CAB39L: variants seen among roughly 807,000 people sequenced by gnomAD.
The protein encoded by CAB39L is calcium-binding protein 39-like.
Under a neutral mutation model 39.1 loss-of-function variants are expected in CAB39L, and 23 were observed. The observed-to-expected ratio is 0.59, with a 90% CI of 0.42 to 0.83. CAB39L has a LOEUF of 0.83. CAB39L is among the 40% of genes least tolerant of loss of function. The probability of loss-of-function intolerance (pLI) is 0.00; values close to 1 mark genes in which losing one functional copy is unlikely to be tolerated. For missense variants in CAB39L, 366 were observed against 391.9 expected (o/e 0.93, Z 0.56); for synonymous variants, 126 against 137.2 (o/e 0.92, Z 0.57).
chr13:49,384,588 G>GAAATT (rs553093132), intron 3 of CAB39L, among the ~76,000 whole-genome samples: 3 of 152,064 alleles, frequency 2.0e-5, no homozygotes, highest in Non-Finnish European at 4.4e-5. Flanking sequence ...CTTATGAAAT[G>GAAATT]TATTTCTTTT....
At chr13:49,363,507 A>C (rs1304631822) in intron 5 of CAB39L, among the ~76,000 whole-genome samples, 2 of 152,202 alleles carry the variant, frequency 1.3e-5, no homozygotes, top group African/African-American at 2.4e-5. Context: ...GATACACAAA[A>C]AAATAAAAAA....
intron 8 of CAB39L, among the ~76,000 whole-genome samples, chr13:49,343,550 T>G (rs1955061425): frequency 6.8e-6 from 1 of 146,810 alleles, no homozygotes; most frequent in South Asian, 2.1e-4. Context: ...TAATACAAGG[T>G]GAAAAATAAG....
rs79386103 is a variant in CAB39L, at chr13:49,366,737, C to A, written c.277-6905G>T. On this transcript the variant is annotated intron_variant, in intron 5 of 10. Transcript: ENST00000409308. ...ATAGTATGAAAAACAAACAATCTGC[C>A]AGGCATGGTGGCTCACACATGTAAT... Among the ~76,000 whole-genome samples the A allele has an allele frequency of 3.3e-3, 500 of 151,982 alleles. 5 individuals are homozygous for A. In the East Asian group the frequency reaches 0.039, roughly 12 times the overall value.
chr13:49,310,967 T>C lies in CAB39L; in HGVS notation c.861A>G (p.Thr287=), dbSNP rs2138313739. The part of the protein sequence containing the change: ...FKVFVASPHK[T]QPIVEILLKN... Reference sequence around the variant, plus strand: ...TTAACAGGATCTCCACAATAGGCTGTGTTTTGTGAGGACTGGCCACAAACA... The same window carrying C: ...TTAACAGGATCTCCACAATAGGCTGCGTTTTGTGAGGACTGGCCACAAACA... The change falls in exon 11 of 11, where the codon ACA becomes ACG. Residue 287 remains threonine (T), a synonymous_variant. Coordinates refer to ENST00000409308, the MANE Select transcript of CAB39L (RefSeq NM_001079670.3). The C allele has an allele frequency of 5.6e-6, 9 of 1,613,920 alleles. No homozygotes were observed. Among genetic ancestry groups the C allele is most frequent in the Non-Finnish European group, 7.6e-6 (9 of 1,179,948 alleles).
intron 8 of CAB39L, among the ~76,000 whole-genome samples, chr13:49,340,901 G>A (rs1049812008): frequency 6.6e-6 from 1 of 152,098 alleles, no homozygotes; most frequent in Non-Finnish European, 1.5e-5. Flanking sequence ...CAGCAGCTGT[G>A]AAATTACTAA....
chr13:49,418,352 T>A (rs1223473470), intron 3 of CAB39L, among the ~76,000 whole-genome samples: 1 of 152,138 alleles, frequency 6.6e-6, no homozygotes, highest in Non-Finnish European at 1.5e-5. Context: ...TAAAATAGGT[T>A]CATAGTTGTC....
At chr13:49,366,364 A>G (rs1338221548) in intron 5 of CAB39L, among the ~76,000 whole-genome samples, 1 of 152,162 alleles carries the variant, frequency 6.6e-6, no homozygotes, top group African/African-American at 2.4e-5. Flanking sequence ...CAAAAATTAA[A>G]AAGAAAAAAA....
At chr13:49,317,003 C>T (rs1276134187) in intron 10 of CAB39L, among the ~76,000 whole-genome samples, 2 of 152,164 alleles carry the variant, frequency 1.3e-5, no homozygotes, top group Non-Finnish European at 2.9e-5. Context: ...AAGATTCTCC[C>T]TGAGAGTCTC....
At chr13:49,358,785 A>C (rs1457657078) in intron 6 of CAB39L, among the ~76,000 whole-genome samples, 1 of 152,112 alleles carries the variant, frequency 6.6e-6, no homozygotes, top group African/African-American at 2.4e-5. Flanking sequence ...GCTTGAACCC[A>C]GGAGGCAGAG....
rs1167199490 is a variant in CAB39L at position 49,369,870 on chromosome 13, G to C, written c.276+7097C>G. On this transcript the variant is annotated intron_variant, in intron 5 of 10. Coordinates refer to ENST00000409308, the MANE Select transcript of CAB39L (RefSeq NM_001079670.3). ...CAAAGTGCTGGGATTACAGGCGTGA[G>C]CCACCGTGCCCAGCCGGCATAGGAG... Among the ~76,000 whole-genome samples, 9 of 152,028 alleles carry C rather than the reference G, an allele frequency of 5.9e-5. No individual in the cohort carries two copies. The East Asian group carries it at 1.7e-3, about 29-fold the overall frequency.
chr13:49,442,787 C>CAAAAAAAAAAAA (rs71078844), intron 1 of CAB39L, among the ~76,000 whole-genome samples: 27 of 103,680 alleles, frequency 2.6e-4, no homozygotes, highest in African/African-American at 6.2e-4. Context: ...GACTCCATCT[C>CAAAAAAAAAAAA]AAAAAAAAAA....
intron 3 of CAB39L, among the ~76,000 whole-genome samples, chr13:49,423,170 G>A (rs1305426426): frequency 3.3e-5 from 5 of 152,124 alleles, no homozygotes; most frequent in East Asian, 1.9e-4. Context: ...TCACCTGGAC[G>A]GCAGGTGAAA....
chr13:49,314,735 T>C (rs1339824844), intron 10 of CAB39L, among the ~76,000 whole-genome samples: 1 of 152,220 alleles, frequency 6.6e-6, no homozygotes, highest in Admixed American at 6.5e-5. Context: ...TCTTATTAGC[T>C]TTATGATTTC....
At chr13:49,366,093 C>A (rs977920728) in intron 5 of CAB39L, among the ~76,000 whole-genome samples, 1 of 151,990 alleles carries the variant, frequency 6.6e-6, no homozygotes, top group Admixed American at 6.6e-5. Context: ...TTTGTGGGAT[C>A]TAAAAATTAA....
chr13:49,397,020 A>G (rs1036083173), intron 3 of CAB39L, among the ~76,000 whole-genome samples: 4 of 152,226 alleles, frequency 2.6e-5, no homozygotes, highest in African/African-American at 9.6e-5. Flanking sequence ...AACATAATTT[A>G]GAATTGCCTT....
intron 4 of CAB39L, among the ~76,000 whole-genome samples, chr13:49,382,248 T>G (rs949239218): frequency 2.0e-5 from 3 of 152,178 alleles, no homozygotes; most frequent in Non-Finnish European, 2.9e-5. Flanking sequence ...AATAAGCTAT[T>G]TCTACACCCC....
rs751577971 is a variant in CAB39L at position 49,376,997 on chromosome 13, C to CA, written c.245dup (p.Ile83AspfsTer3). ...AGTCTATCAGCTGCAGGTCAGCTAT[C>CA]AGTGTCACTAGCAGGCCACTGCTGT... is the stretch of plus-strand genomic sequence containing the variant. On this transcript the variant is annotated frameshift_variant, in exon 5 of 11. Coordinates refer to ENST00000409308, the MANE Select transcript of CAB39L (RefSeq NM_001079670.3). LOFTEE classifies it high-confidence loss of function. 22 of 1,612,212 alleles carry CA rather than the reference C, an allele frequency of 1.4e-5. No individual in the cohort carries two copies. The highest frequency in any genetic ancestry group is 1.8e-5 in the Non-Finnish European group (21 of 1,178,880).
intron 10 of CAB39L, among the ~76,000 whole-genome samples, chr13:49,313,446 A>G (rs1281753560): frequency 1.3e-5 from 2 of 150,374 alleles, no homozygotes; most frequent in East Asian, 2.0e-4. Context: ...GCGCCACTGC[A>G]CTCTAGCCTG....
chr13:49,345,620 T>A (rs551938919), intron 7 of CAB39L, among the ~76,000 whole-genome samples: 1 of 152,258 alleles, frequency 6.6e-6, no homozygotes, highest in Non-Finnish European at 1.5e-5. Context: ...CTCTTTTTTT[T>A]AAAGGATAAT....
Sources: allele counts gnomAD v4.1 joint callset (sites outside exome capture counted in the v4.1 genomes callset), GRCh38; gene constraint gnomAD v4.1.1; transcripts MANE v1.5; gene names NCBI Gene and HGNC (gene_info 2026-07-23, HGNC 2026-07-21).